Variants in SMOC2 observed in about 807,000 individuals in gnomAD.
SMOC2 encodes SPARC related modular calcium binding 2.
A neutral mutation model predicts 61.4 loss-of-function variants in SMOC2; 39 were observed. The ratio of observed to expected loss-of-function variants is 0.64; its 90% CI spans 0.49 to 0.83. The LOEUF is 0.83. SMOC2 is among the 40% of genes least tolerant of loss of function. The pLI is 0.00. For missense variants in SMOC2, 556 were observed against 592.9 expected (o/e 0.94, Z 0.65); for synonymous variants, 247 against 239.9 (o/e 1.03, Z -0.27).
intron 1 of SMOC2, among the ~76,000 whole-genome samples, chr6:168,479,005 C>T (rs1782149408): frequency 6.7e-6 from 1 of 149,326 alleles, no homozygotes; most frequent in African/African-American, 2.5e-5. Context: ...GGTTTACAGA[C>T]CCTGTCTCGG....
chr6:168,447,576 G>A (rs1298003601), intron 1 of SMOC2, among the ~76,000 whole-genome samples: 1 of 152,118 alleles, frequency 6.6e-6, no homozygotes, highest in East Asian at 1.9e-4. Flanking sequence ...CTAGCCCCCA[G>A]CCGAGGGCAG....
intron 4 of SMOC2, among the ~76,000 whole-genome samples, chr6:168,542,758 T>A (rs1373207844): frequency 6.6e-6 from 1 of 152,178 alleles, no homozygotes; most frequent in African/African-American, 2.4e-5. Flanking sequence ...ACATTACTAT[T>A]GCATTTCCCA....
intron 4 of SMOC2, among the ~76,000 whole-genome samples, chr6:168,531,600 G>T (rs1783603784): frequency 6.6e-6 from 1 of 152,228 alleles, no homozygotes; most frequent in South Asian, 2.1e-4. Flanking sequence ...TGCCTTTGGG[G>T]ATGCTCTGGA....
Position 168,527,647 on chromosome 6 carries a change from C to T in SMOC2, c.383C>T (p.Thr128Met). Residue 128 changes from threonine (T) to methionine (M), a missense_variant, in exon 4 of 13, where the codon ACG (threonine) becomes ATG (methionine). Coordinates refer to ENST00000356284, the MANE Select transcript of SMOC2 (RefSeq NM_001166412.2). ...TCGCAGGTCCAGTGTCACAGCTACA[C>T]GGGATACTGCTGGTGCGTCACGCCC... ...TYSQVQCHSYTGYCWCVTPNG... is the reference protein window; with the variant it reads ...TYSQVQCHSYMGYCWCVTPNG... The T allele has an allele frequency of 6.4e-7, 1 of 1,551,712 alleles. No individual in the cohort carries two copies. The highest frequency in any genetic ancestry group is 1.2e-5 in the South Asian group (1 of 84,100).
intron 9 of SMOC2, among the ~76,000 whole-genome samples, chr6:168,625,784 A>G (rs1302383144): frequency 6.6e-6 from 1 of 152,178 alleles, no homozygotes; most frequent in African/African-American, 2.4e-5. Flanking sequence ...TTCCCTTTGC[A>G]AGGGCAGGGC....
At chr6:168,582,727 C>T (rs998726421) in intron 7 of SMOC2, among the ~76,000 whole-genome samples, 6 of 152,242 alleles carry the variant, frequency 3.9e-5, no homozygotes, top group African/African-American at 1.4e-4. Context: ...AGGAGTGCGT[C>T]ACGCGGTGTT....
At chr6:168,653,341 A>C in intron 11 of SMOC2, 113 bp downstream of exon 11, 1 of 1,269,538 alleles carries the variant, frequency 7.9e-7, no homozygotes, top group Non-Finnish European at 1.1e-6. Context: ...AGTGCAAAAA[A>C]TCAAATATGC....
At position 168,516,376 on chromosome 6, in the gene SMOC2, C is replaced by CAAAA. The variant is rs3065283; in HGVS notation, c.256+6301_256+6304dup. On this transcript the variant is annotated intron_variant, in intron 2 of 12. Coordinates refer to ENST00000356284, the MANE Select transcript of SMOC2 (RefSeq NM_001166412.2). The stretch of plus-strand genomic sequence containing the variant: ...AATCTCTGGCATTCCATAGAAAAGC[C>CAAAA]AAAAAAAAAAAAAAGCCAAATGCCA... Among the ~76,000 whole-genome samples the CAAAA allele has an allele frequency of 7.5e-5, 10 of 134,096 alleles. No individual in the cohort carries two copies. In the South Asian group the frequency reaches 1.9e-3, roughly 25 times the overall value. The allele number at this position is 134,096 out of a possible 152,430, so 88.0% of individuals were successfully genotyped here.
chr6:168,497,840 TGG>T (rs879641508), intron 1 of SMOC2, among the ~76,000 whole-genome samples: 1 of 152,076 alleles, frequency 6.6e-6, no homozygotes, highest in Admixed American at 6.6e-5. Flanking sequence ...ACTGTGATGA[TGG>T]GGGGTGCTGA....
intron 7 of SMOC2, among the ~76,000 whole-genome samples, chr6:168,569,307 AT>A (rs1166329315): frequency 1.3e-5 from 2 of 152,156 alleles, no homozygotes; most frequent in Non-Finnish European, 2.9e-5. Context: ...TCATATGCCT[AT>A]TTGGTATCTG....
At chr6:168,630,738 G>A (rs529102006) in intron 9 of SMOC2, among the ~76,000 whole-genome samples, 1 of 152,328 alleles carries the variant, frequency 6.6e-6, no homozygotes, top group Admixed American at 6.5e-5. Flanking sequence ...GAACATCCCT[G>A]AGAAAGAGAA....
At chr6:168,550,710 C>T (rs942698884) in intron 7 of SMOC2, among the ~76,000 whole-genome samples, 1 of 152,172 alleles carries the variant, frequency 6.6e-6, no homozygotes, top group Non-Finnish European at 1.5e-5. Context: ...CGTCTACAGG[C>T]ACACATGGCA....
At chr6:168,444,127 C>T (rs563264531) in intron 1 of SMOC2, among the ~76,000 whole-genome samples, 21 of 152,278 alleles carry the variant, frequency 1.4e-4, no homozygotes, top group Non-Finnish European at 2.8e-4. Flanking sequence ...TTTCACCTGC[C>T]GCAGATTCTC....
At chr6:168,459,499 A>T (rs930317534) in intron 1 of SMOC2, among the ~76,000 whole-genome samples, 1 of 151,582 alleles carries the variant, frequency 6.6e-6, no homozygotes, top group South Asian at 2.1e-4. Context: ...GCACCCTCAC[A>T]TGTGAAAATG....
At chr6:168,599,512 ACACACACTCATACCCCCACACACCCACT>A (rs1351597553) in intron 8 of SMOC2, among the ~76,000 whole-genome samples, 102 of 101,288 alleles carry the variant, frequency 1.0e-3, no homozygotes, top group South Asian at 2.2e-3. Context: ...TGACACTCAC[ACACACACTCATACCCCCACACACCCACT>A]CACACACACT....
intron 2 of SMOC2, among the ~76,000 whole-genome samples, chr6:168,515,425 G>A (rs1583070927): frequency 1.4e-5 from 2 of 145,500 alleles, no homozygotes; most frequent in African/African-American, 5.0e-5. Flanking sequence ...ATTTGGATGT[G>A]GGGCTGGGCT....
chr6:168,603,863 T>C (rs1467744147), intron 8 of SMOC2, among the ~76,000 whole-genome samples: 2 of 152,164 alleles, frequency 1.3e-5, no homozygotes, highest in Non-Finnish European at 2.9e-5. Context: ...TCAGAGGTGG[T>C]GAATGCCACT....
At position 168,653,074 on chromosome 6, in the gene SMOC2, G is replaced by A. The variant is rs1759172218; in HGVS notation, c.1131G>A (p.Arg377=). 1.2e-6 allele frequency: 2 copies of A among 1,614,156 alleles called. No homozygotes were observed. Among genetic ancestry groups the A allele is most frequent in the Non-Finnish European group, 1.7e-6 (2 of 1,180,038 alleles). The change falls in exon 11 of 13, where the codon AGG becomes AGA. Residue 377 remains arginine, a synonymous_variant. Transcript: ENST00000356284. ...IGKKEIKPFK[R]FLRKKSKPKK... ...AAAAGGAAATCAAACCCTTCAAGAG[G>A]TTCCTTCGCAAAAAATCAAAGCCCA...
intron 2 of SMOC2, among the ~76,000 whole-genome samples, chr6:168,523,804 CAGTT>C (rs762643489): frequency 5.5e-4 from 83 of 152,138 alleles, no homozygotes; most frequent in Non-Finnish European, 1.5e-4. Context: ...GGCTGTTAAA[CAGTT>C]AGGGTTCTGC....
Sources: allele counts gnomAD v4.1 joint callset (sites outside exome capture counted in the v4.1 genomes callset), GRCh38; gene constraint gnomAD v4.1.1; transcripts MANE v1.5; gene names NCBI Gene and HGNC (gene_info 2026-07-23, HGNC 2026-07-21).